The following GPC5 variants were observed in gnomAD, a reference collection of about 807,000 sequenced individuals.
GPC5 encodes the protein glypican 5.
GPC5 carries 47 observed loss-of-function variants against 53.9 expected under a neutral mutation model. The ratio of observed to expected loss-of-function variants is 0.87; its 90% CI spans 0.69 to 1.11. GPC5 has a LOEUF of 1.11. Among genes scored for constraint, GPC5 ranks in the 50% most tolerant of loss-of-function variants. The probability of loss-of-function intolerance (pLI) is 0.00; values close to 1 mark genes in which losing one functional copy is unlikely to be tolerated. For missense variants in GPC5, 748 were observed against 713.1 expected, an observed-to-expected ratio of 1.05 and a Z score of -0.56; for synonymous variants, 286 against 263.3, an observed-to-expected ratio of 1.09 and a Z score of -0.84.
intron 7 of GPC5, among the ~76,000 whole-genome samples, chr13:92,369,765 T>G (rs2043635458): frequency 6.6e-6 from 1 of 152,216 alleles, no homozygotes; most frequent in South Asian, 2.1e-4. Flanking sequence ...TACCTTTGCC[T>G]GTGTTGTATT....
intron 6 of GPC5, among the ~76,000 whole-genome samples, chr13:92,114,746 G>A (rs1326509): frequency 0.52 from 79,491 of 151,984 alleles, 22,330 homozygotes; most frequent in African/African-American, 0.73. Context: ...CTTCCATAAA[G>A]CCAATGTAGT....
Position 91,969,840 on chromosome 13 carries a change from G to T in GPC5, c.1401+61783G>T, listed in dbSNP as rs139897583. 4.4e-3 allele frequency among the ~76,000 whole-genome samples: 665 copies of T among 152,184 alleles called. 6 individuals are homozygous for T. The highest frequency in any genetic ancestry group is 0.012 in the South Asian group (60 of 4,824). ...TATCGCCACATTGGTTGGGATATCTGTTGTACAAAAAAACAAAAAAAGGAT... is the reference window on the plus strand; with the variant it reads ...TATCGCCACATTGGTTGGGATATCTTTTGTACAAAAAAACAAAAAAAGGAT... On this transcript the variant is annotated intron_variant, in intron 6 of 7. Transcript: ENST00000377067.
intron 6 of GPC5, among the ~76,000 whole-genome samples, chr13:92,039,085 G>C (rs2040921323): frequency 6.6e-6 from 1 of 152,198 alleles, no homozygotes; most frequent in Non-Finnish European, 1.5e-5. Flanking sequence ...GAGCAATTTA[G>C]GAAGTGTAGT....
intron 5 of GPC5, among the ~76,000 whole-genome samples, chr13:91,868,194 G>C (rs2039104805): frequency 6.6e-6 from 1 of 152,054 alleles, no homozygotes; most frequent in Non-Finnish European, 1.5e-5. Context: ...CATTCACTGG[G>C]GCAAAAGAAT....
At chr13:91,547,346 T>G (rs540783618) in intron 2 of GPC5, among the ~76,000 whole-genome samples, 1 of 152,070 alleles carries the variant, frequency 6.6e-6, no homozygotes, top group African/African-American at 2.4e-5. Context: ...CCATGGACAT[T>G]TAAAGGATAA....
chr13:92,365,340 T>C (rs1056502657), intron 7 of GPC5, among the ~76,000 whole-genome samples: 10 of 151,798 alleles, frequency 6.6e-5, no homozygotes, highest in African/African-American at 2.2e-4. Context: ...ATAAAAGGTG[T>C]TACGGGTATA....
chr13:91,820,986 T>C (rs1223984960), intron 5 of GPC5, among the ~76,000 whole-genome samples: 1 of 142,418 alleles, frequency 7.0e-6, no homozygotes, highest in African/African-American at 2.6e-5. Context: ...ACAAATAAAA[T>C]AAAAAAAAAA....
In GPC5 at chr13:91,779,981, T is replaced by C. The variant is rs75349109; in HGVS notation, c.1280+23561T>C. Among the ~76,000 whole-genome samples, 1,486 of 152,324 alleles carry C rather than the reference T, an allele frequency of 9.8e-3. 20 individuals are homozygous for C. Among genetic ancestry groups the C allele is most frequent in the African/African-American group, 0.034 (1,424 of 41,568 alleles). ...ATAAACCGGTAACATAGCTGTTTAT[T>C]ATCAGTATCATATACTGTATATAAT... On this transcript the variant is annotated intron_variant, in intron 5 of 7. Coordinates refer to ENST00000377067, the MANE Select transcript of GPC5 (RefSeq NM_004466.6).
chr13:92,421,584 A>G (rs914763069), intron 7 of GPC5, among the ~76,000 whole-genome samples: 2 of 150,326 alleles, frequency 1.3e-5, no homozygotes, highest in African/African-American at 4.9e-5. Flanking sequence ...CTGTAGTCCC[A>G]GCTACTCGGG....
chr13:91,422,120 T>G (rs1451693245), intron 1 of GPC5, among the ~76,000 whole-genome samples: 3 of 152,188 alleles, frequency 2.0e-5, no homozygotes, highest in Non-Finnish European at 2.9e-5. Context: ...TAATATCCCT[T>G]TCTAGGCCTA....
Position 92,557,099 on chromosome 13 carries a change from GA to G in GPC5, c.1562-309173del, listed in dbSNP as rs376552438. ...TAGCACGATTTTAGGATCTCTGAGA[GA>G]AAAAAAAAAGGGACGGGGGAGATCT... On this transcript the variant is annotated intron_variant, in intron 7 of 7. Coordinates refer to ENST00000377067, the MANE Select transcript of GPC5 (RefSeq NM_004466.6). 7.8e-4 allele frequency among the ~76,000 whole-genome samples: 113 copies of G among 144,418 alleles called. 1 individual carries two copies. The highest frequency in any genetic ancestry group is 2.7e-3 in the Admixed American group (39 of 14,408). The allele number at this position is 144,418 out of a possible 152,430, so 94.7% of individuals were successfully genotyped here.
At chr13:92,001,743 T>A (rs1480376844) in intron 6 of GPC5, among the ~76,000 whole-genome samples, 1 of 152,200 alleles carries the variant, frequency 6.6e-6, no homozygotes, top group Non-Finnish European at 1.5e-5. Context: ...AATATTTTGA[T>A]GAAGGTATAC....
intron 2 of GPC5, among the ~76,000 whole-genome samples, chr13:91,646,155 C>G (rs1203944634): frequency 6.6e-6 from 1 of 152,054 alleles, no homozygotes; most frequent in Non-Finnish European, 1.5e-5. Context: ...GCCCAGAAAC[C>G]TTATATTAGG....
In GPC5 at chr13:92,074,981, T is replaced by C. The variant is rs530326143; in HGVS notation, c.1402-69849T>C. 3.3e-5 allele frequency among the ~76,000 whole-genome samples: 5 copies of C among 152,348 alleles called. No individual in the cohort carries two copies. The South Asian group carries it at 1.0e-3, about 32-fold the overall frequency. On this transcript the variant is annotated intron_variant, in intron 6 of 7. Transcript: ENST00000377067. ...TTTTTTATTTTTGCTTTGTATTGTATTGTACTTTGGTTCACTTATTTGCGT... is the reference window on the plus strand; with the variant it reads ...TTTTTTATTTTTGCTTTGTATTGTACTGTACTTTGGTTCACTTATTTGCGT...
At chr13:92,696,203 G>T (rs537279290) in intron 7 of GPC5, among the ~76,000 whole-genome samples, 33 of 152,226 alleles carry the variant, frequency 2.2e-4, no homozygotes, top group Non-Finnish European at 4.1e-4. Flanking sequence ...AATCCTTTGG[G>T]TATATACTCA....
At chr13:92,671,391 T>C (rs373504336) in intron 7 of GPC5, among the ~76,000 whole-genome samples, 1 of 152,206 alleles carries the variant, frequency 6.6e-6, no homozygotes, top group Non-Finnish European at 1.5e-5. Flanking sequence ...TCCTCTGCGC[T>C]TTCAATTACA....
At chr13:91,561,745 C>A (rs1334314884) in intron 2 of GPC5, among the ~76,000 whole-genome samples, 2 of 152,036 alleles carry the variant, frequency 1.3e-5, no homozygotes, top group African/African-American at 4.8e-5. Flanking sequence ...TTGTAAATTT[C>A]ATCAATTTAC....
intron 6 of GPC5, among the ~76,000 whole-genome samples, chr13:92,053,668 C>T (rs1054897252): frequency 6.6e-6 from 1 of 151,724 alleles, no homozygotes; most frequent in Non-Finnish European, 1.5e-5. Context: ...CATTGCTATA[C>T]GTTAATGTAT....
intron 4 of GPC5, among the ~76,000 whole-genome samples, chr13:91,733,223 G>C (rs186055112): frequency 4.6e-5 from 7 of 151,980 alleles, no homozygotes; most frequent in African/African-American, 1.5e-4. Context: ...TGCAACCTCC[G>C]CCTCCCAGGT....
Sources: gnomAD v4.1 joint callset for allele counts (sites outside exome capture counted in the v4.1 genomes callset) on GRCh38, gnomAD v4.1.1 for gene constraint, MANE v1.5 for transcripts, NCBI Gene and HGNC (gene_info 2026-07-23, HGNC 2026-07-21) for gene names.